Variants in MGAT4A observed in about 807,000 individuals in gnomAD.
The protein encoded by MGAT4A is N-acetylglucosaminyltransferase IVa.
A neutral mutation model predicts 74.1 loss-of-function variants in MGAT4A; 33 were observed. That is an observed-to-expected ratio of 0.45 (90% CI 0.34 to 0.60). MGAT4A has a LOEUF of 0.60. Ranked by LOEUF, MGAT4A falls within the 20% of genes least tolerant of loss-of-function variation. The pLI is 0.02. For synonymous variants in MGAT4A, 198 were observed against 210.4 expected, an observed-to-expected ratio of 0.94 and a Z score of 0.51; for missense variants, 479 against 628.3, an observed-to-expected ratio of 0.76 and a Z score of 2.54.
At chr2:98,716,604 T>C (rs1457437436) in intron 2 of MGAT4A, among the ~76,000 whole-genome samples, 2 of 152,164 alleles carry the variant, frequency 1.3e-5, no homozygotes, top group Non-Finnish European at 2.9e-5. Flanking sequence ...CAGCCTGGGC[T>C]ACAGAGCGAA....
chr2:98,627,447 C>T (rs917324917), intron 14 of MGAT4A, among the ~76,000 whole-genome samples: 12 of 152,110 alleles, frequency 7.9e-5, no homozygotes, highest in African/African-American at 2.7e-4. Context: ...ACGATCTCGG[C>T]TCACTGCAAC....
At chr2:98,667,127 G>T (rs1372019214) in intron 4 of MGAT4A, among the ~76,000 whole-genome samples, 1 of 151,042 alleles carries the variant, frequency 6.6e-6, no homozygotes, top group East Asian at 1.9e-4. Context: ...CACATAAGAT[G>T]TGACTTGCTC....
chr2:98,688,449 T>A (rs1575269680), intron 2 of MGAT4A, among the ~76,000 whole-genome samples: 1 of 152,128 alleles, frequency 6.6e-6, no homozygotes, highest in Non-Finnish European at 1.5e-5. Context: ...GAACAGAATA[T>A]GGCAAAGGTG....
chr2:98,655,745 C>G (rs1701648939), intron 7 of MGAT4A: 2 of 399,974 alleles, frequency 5.0e-6, no homozygotes, highest in Non-Finnish European at 4.4e-6. Flanking sequence ...AATTCTCAAG[C>G]TGTCCTGAGG....
At chr2:98,679,649 A>G (rs1464508840) in intron 2 of MGAT4A, among the ~76,000 whole-genome samples, 2 of 152,132 alleles carry the variant, frequency 1.3e-5, no homozygotes, top group African/African-American at 4.8e-5. Flanking sequence ...AGTAGAATAA[A>G]AATCCACTGA....
intron 2 of MGAT4A, among the ~76,000 whole-genome samples, chr2:98,716,900 T>C (rs115011774): frequency 5.3e-5 from 8 of 152,274 alleles, no homozygotes; most frequent in African/African-American, 1.9e-4. Flanking sequence ...TAGGGAATAA[T>C]GACCAAAAAA....
At chr2:98,662,958 TTTTTA>T in intron 5 of MGAT4A, 83 bp downstream of exon 5, 1 of 1,111,456 alleles carries the variant, frequency 9.0e-7, no homozygotes. Flanking sequence ...TTAAAAAGCG[TTTTTA>T]AAAGCATATT....
intron 1 of MGAT4A, among the ~76,000 whole-genome samples, chr2:98,727,997 T>C (rs572880251): frequency 1.3e-5 from 2 of 152,266 alleles, no homozygotes; most frequent in Admixed American, 1.3e-4. Context: ...ACTTTCCCTC[T>C]CAAATGAGGC....
intron 2 of MGAT4A, among the ~76,000 whole-genome samples, chr2:98,681,094 T>C (rs1575266347): frequency 6.6e-6 from 1 of 152,180 alleles, no homozygotes; most frequent in South Asian, 2.1e-4. Context: ...ACCATTCTCC[T>C]GCCTCAGCCT....
intron 2 of MGAT4A, among the ~76,000 whole-genome samples, chr2:98,679,754 G>A (rs1702031246): frequency 6.6e-6 from 1 of 152,194 alleles, no homozygotes; most frequent in African/African-American, 2.4e-5. Flanking sequence ...ATAAAAGTGG[G>A]CTTTGATGAG....
intron 3 of MGAT4A, 53 bp downstream of exon 3, chr2:98,678,246 AAAAAT>A (rs1428060015): frequency 5.9e-5 from 23 of 386,724 alleles, no homozygotes; most frequent in African/African-American, 5.6e-4. Context: ...AAAAAAAAAA[AAAAAT>A]ATATATATAT....
chr2:98,722,835 C>G lies in MGAT4A; in HGVS notation c.94+3404G>C, dbSNP rs541996082. On this transcript the variant is annotated intron_variant, in intron 2 of 15. Transcript: ENST00000393487. ...CTGCAAAAATAATACCAGTCTCTGT[C>G]CCCATGGACAGGGACCCGTGACTGC... Among the ~76,000 whole-genome samples the G allele has an allele frequency of 2.0e-5, 3 of 152,270 alleles. No homozygotes were observed. The South Asian group carries it at 6.2e-4, about 32-fold the overall frequency.
chr2:98,625,583 T>A lies in MGAT4A; in HGVS notation c.1591A>T (p.Lys531Ter), dbSNP rs1418200587. The A allele has an allele frequency of 1.2e-6, 2 of 1,609,080 alleles. No individual in the cohort carries two copies. The highest frequency in any genetic ancestry group is 1.3e-5 in the African/African-American group (1 of 74,742). ...VWAILNEIHI[K>*]KATN ...TCAGATGATCAGTTGGTGGCTTTTT[T>A]AATATGAATCTGAAATACAAAATCA... is the stretch of plus-strand genomic sequence containing the variant. The change falls in exon 16 of 16, where the codon AAA (lysine) becomes TAA (stop). Residue 531 changes from lysine to a stop codon, truncating the protein, a stop_gained. Transcript: ENST00000393487. LOFTEE classifies it high-confidence loss of function.
In MGAT4A at chr2:98,625,181, A is replaced by G. The variant is rs1263718109; in HGVS notation, c.*385T>C. ...TATATATAATCCCTGATAATCTATA[A>G]AAGAGGGTCTATAATAGTAAAATAA... is the stretch of plus-strand genomic sequence containing the variant. On this transcript the variant is annotated 3_prime_UTR_variant, in exon 16 of 16. Transcript: ENST00000393487. 8.5e-6 allele frequency: 7 copies of G among 819,178 alleles called. No individual in the cohort carries two copies. Among genetic ancestry groups the G allele is most frequent in the Non-Finnish European group, 1.0e-5 (7 of 678,596 alleles). 50.7% of individuals were successfully genotyped at this position (819,178 alleles called of 1,614,324 possible). A position where few individuals can be genotyped will look rare whatever the true frequency, so the allele number is the denominator to read the frequency against.
At chr2:98,729,835 A>T (rs1320583364) in intron 1 of MGAT4A, among the ~76,000 whole-genome samples, 1 of 152,230 alleles carries the variant, frequency 6.6e-6, no homozygotes, top group Non-Finnish European at 1.5e-5. Flanking sequence ...TGATATCTGG[A>T]ATCAATAAAA....
intron 4 of MGAT4A, among the ~76,000 whole-genome samples, chr2:98,673,665 A>G (rs1333017005): frequency 1.3e-5 from 2 of 152,204 alleles, no homozygotes; most frequent in Non-Finnish European, 2.9e-5. Flanking sequence ...GCTTCAAAAG[A>G]AAGAGAATGT....
chr2:98,692,539 C>G (rs1188837975), intron 2 of MGAT4A, among the ~76,000 whole-genome samples: 2 of 152,222 alleles, frequency 1.3e-5, no homozygotes, highest in Non-Finnish European at 2.9e-5. Context: ...TCCCCACTCA[C>G]TCACTGACTC....
intron 10 of MGAT4A, 103 bp downstream of exon 10, chr2:98,643,820 A>T: frequency 2.5e-6 from 3 of 1,178,762 alleles, no homozygotes; most frequent in Non-Finnish European, 2.2e-6. Context: ...AAGAAGTTTT[A>T]TATCACCTAC....
At chr2:98,718,990 C>T (rs1702628917) in intron 2 of MGAT4A, among the ~76,000 whole-genome samples, 1 of 152,138 alleles carries the variant, frequency 6.6e-6, no homozygotes, top group African/African-American at 2.4e-5. Flanking sequence ...CTGCCTGGTA[C>T]CATAAAACAG....
Sources: allele counts gnomAD v4.1 joint callset (sites outside exome capture counted in the v4.1 genomes callset), GRCh38; gene constraint gnomAD v4.1.1; transcripts MANE v1.5; gene names NCBI Gene and HGNC (gene_info 2026-07-23, HGNC 2026-07-21).